Variants in OLFML2B observed in about 807,000 individuals in gnomAD.
OLFML2B encodes the protein olfactomedin like 2B, also known as olfactomedin-like protein 2B.
A neutral mutation model predicts 74.9 loss-of-function variants in OLFML2B; 57 were observed. The observed-to-expected ratio is 0.76, with a 90% CI of 0.61 to 0.95. OLFML2B has a LOEUF of 0.95. OLFML2B is among the 40% of genes least tolerant of loss of function. OLFML2B has a pLI of 0.00. For synonymous variants in OLFML2B, 388 were observed against 405.8 expected (o/e 0.96, Z 0.53); for missense variants, 986 against 970.6 (o/e 1.02, Z -0.21).
chr1:162,000,182 T>A lies in OLFML2B; in HGVS notation c.880A>T (p.Thr294Ser), dbSNP rs752061640. The A allele has an allele frequency of 6.2e-7, 1 of 1,613,458 alleles. No individual in the cohort carries two copies. The highest frequency in any genetic ancestry group is 1.7e-5 in the Admixed American group (1 of 60,002). Residue 294 changes from threonine to serine, a missense_variant, in exon 5 of 8, where the codon ACT (threonine) becomes TCT (serine). Transcript: ENST00000294794. ...TAGTAGGTGATGCCCCGGATGACAGTGGGCTGGGAGGCCGGCCGGCCTCTC... is the reference window on the plus strand; with the variant it reads ...TAGTAGGTGATGCCCCGGATGACAGAGGGCTGGGAGGCCGGCCGGCCTCTC... Reference protein sequence around the residue: ...HLRGRPASQPTVIRGITYYKA... With the variant: ...HLRGRPASQPSVIRGITYYKA...
rs918380000 is a variant in OLFML2B, at chr1:161,998,187, C to A, written c.1112G>T (p.Trp371Leu). 4 of 1,613,944 alleles carry A rather than the reference C, an allele frequency of 2.5e-6. No homozygotes were observed. The highest frequency in any genetic ancestry group is 3.4e-6 in the Non-Finnish European group (4 of 1,180,046). The change falls in exon 6 of 8, where the codon TGG becomes TTG. Residue 371 changes from tryptophan to leucine, a missense_variant. Coordinates refer to ENST00000294794, the MANE Select transcript of OLFML2B (RefSeq NM_015441.3). ...TSDLNARTAPWSSALPQPSTS... is the reference protein window; with the variant it reads ...TSDLNARTAPLSSALPQPSTS... ...CGAGGGCTGTGGCAGTGCTGAGGAC[C>A]AGGGTGCGGTCCGAGCGTTCAGGTC...
chr1:161,997,941 G>A lies in OLFML2B; in HGVS notation c.1358C>T (p.Pro453Leu), dbSNP rs759826217. The A allele has an allele frequency of 3.7e-6, 6 of 1,614,236 alleles. No individual in the cohort carries two copies. The East Asian group carries it at 1.3e-4, about 36-fold the overall frequency. Residue 453 changes from proline to leucine, a missense_variant, in exon 6 of 8, where the codon CCT becomes CTT. Coordinates refer to ENST00000294794, the MANE Select transcript of OLFML2B (RefSeq NM_015441.3). ...LMEAMHTVPV[P>L]PTTVRTDSLG... is the part of the protein sequence containing the mutation. ...CGAGTCTGTTCTGACTGTGGTGGGA[G>A]GCACTGGGACTGTGTGCATAGCTTC...
At position 161,984,193 on chromosome 1, in the gene OLFML2B, G is replaced by A. The variant is rs1689520653; in HGVS notation, c.1735C>T (p.Arg579Cys). The A allele has an allele frequency of 3.8e-6, 6 of 1,592,676 alleles. No homozygotes were observed. Among genetic ancestry groups the A allele is most frequent in the East Asian group, 2.2e-5 (1 of 44,732 alleles). Reference protein sequence around the residue: ...VVYNGAFYYNRAFTRNIIKYD... With the variant: ...VVYNGAFYYNCAFTRNIIKYD... ...TTGATGATGTTGCGGGTGAAGGCGCGATTGTAGTAGAAGGCGCCATTGTAT... is the reference window on the plus strand; with the variant it reads ...TTGATGATGTTGCGGGTGAAGGCGCAATTGTAGTAGAAGGCGCCATTGTAT... The change falls in exon 8 of 8, where the codon CGC (arginine) becomes TGC (cysteine). Residue 579 changes from arginine (R) to cysteine (C), a missense_variant. Physicochemically the swap from Arg to Cys is radical, Grantham distance 180. Transcript: ENST00000294794.
In OLFML2B at chr1:161,987,886, G is replaced by A. The variant is rs557421163; in HGVS notation, c.1475-2906C>T. Among the ~76,000 whole-genome samples, 73 of 152,310 alleles carry A rather than the reference G, an allele frequency of 4.8e-4. 1 individual carries two copies. The highest frequency in any genetic ancestry group is 1.7e-3 in the South Asian group (8 of 4,820). On this transcript the variant is annotated intron_variant, in intron 6 of 7. Coordinates refer to ENST00000294794, the MANE Select transcript of OLFML2B (RefSeq NM_015441.3). ...GCGGATGAGCCCAGGCAGGACAAAT[G>A]CAAATGATTTCAGAGCATTTGAAGA... is the stretch of plus-strand genomic sequence containing the variant.
intron 2 of OLFML2B, 119 bp downstream of exon 2, chr1:162,019,800 T>C (rs907239076): frequency 3.9e-6 from 5 of 1,280,368 alleles, no homozygotes; most frequent in Non-Finnish European, 5.3e-6. Context: ...CACACAGCAC[T>C]CTAGGGAACA....
chr1:162,009,537 G>A (rs1412490091), intron 3 of OLFML2B, among the ~76,000 whole-genome samples: 1 of 152,216 alleles, frequency 6.6e-6, no homozygotes, highest in East Asian at 1.9e-4. Context: ...CCTTTTGGGT[G>A]TCAGTGAGGA....
chr1:161,983,896 C>G lies in OLFML2B; in HGVS notation c.2032G>C (p.Val678Leu), dbSNP rs141909728. 199 of 1,614,188 alleles carry G rather than the reference C, an allele frequency of 1.2e-4. No homozygotes were observed. In the African/African-American group the frequency reaches 2.4e-3, roughly 19 times the overall value. Residue 678 changes from valine to leucine, a missense_variant, in exon 8 of 8, where the codon GTC (valine) becomes CTC (leucine). Coordinates refer to ENST00000294794, the MANE Select transcript of OLFML2B (RefSeq NM_015441.3). ...LRRNFYGNCF[V>L]ICGVLYAVDS... ...ACGGCATACAGCACCCCACAGATGACGAAGCAGTTGCCGTAGAAATTCCTC... is the reference window on the plus strand; with the variant it reads ...ACGGCATACAGCACCCCACAGATGAGGAAGCAGTTGCCGTAGAAATTCCTC...
rs1322515948 is a variant in OLFML2B at position 161,984,825 on chromosome 1, T to C, written c.1630A>G (p.Asn544Asp). Residue 544 changes from asparagine (N) to aspartate (D), a missense_variant, in exon 7 of 8, where the codon AAC (asparagine) becomes GAC (aspartate). By Grantham distance (23) the Asn-to-Asp change is conservative. Coordinates refer to ENST00000294794, the MANE Select transcript of OLFML2B (RefSeq NM_015441.3). ...YYGNTLVEFRNLENFKQGRWS... is the reference protein window; with the variant it reads ...YYGNTLVEFRDLENFKQGRWS... ...GTACCTTGTTTGAAGTTCTCCAGGT[T>C]CCGGAACTCTACCAGGGTGTTGCCG... is the stretch of plus-strand genomic sequence containing the variant. 1.2e-6 allele frequency: 2 copies of C among 1,613,578 alleles called. No homozygotes were observed. The highest frequency in any genetic ancestry group is 2.7e-5 in the African/African-American group (2 of 74,754).
At chr1:161,984,364 G>C in intron 7 of OLFML2B, 88 bp from the exon 8 acceptor site, 1 of 1,486,470 alleles carries the variant, frequency 6.7e-7, no homozygotes, top group Non-Finnish European at 8.9e-7. Context: ...GATCAACGAG[G>C]GGTCTGGAAA....
Position 161,998,083 on chromosome 1 carries a change from T to C in OLFML2B, c.1216A>G (p.Arg406Gly). The change falls in exon 6 of 8, where the codon AGG (arginine) becomes GGG (glycine). Residue 406 changes from arginine to glycine, a missense_variant. Physicochemically the swap from Arg to Gly is moderately radical, Grantham distance 125. Coordinates refer to ENST00000294794, the MANE Select transcript of OLFML2B (RefSeq NM_015441.3). ...GGAGAAGGCTGCAGGACTGACTCCC[T>C]TGTGGGATCTGGAGACACCGAGGTT... Reference protein sequence around the residue: ...QTTSVSPDPTRESVLQPSPQV... With the variant: ...QTTSVSPDPTGESVLQPSPQV... 1 of 1,614,026 alleles carries C rather than the reference T, an allele frequency of 6.2e-7. No homozygotes were observed. The highest frequency in any genetic ancestry group is 1.3e-5 in the African/African-American group (1 of 75,038).
intron 4 of OLFML2B, among the ~76,000 whole-genome samples, chr1:162,001,400 T>C (rs1336942921): frequency 2.0e-5 from 3 of 152,210 alleles, no homozygotes; most frequent in African/African-American, 2.4e-5. Context: ...CTGATTCAGC[T>C]TGGAGGCATC....
Position 162,018,699 on chromosome 1 carries a change from T to C in OLFML2B, c.439-1192A>G, listed in dbSNP as rs111558845. 4.9e-3 allele frequency among the ~76,000 whole-genome samples: 744 copies of C among 152,284 alleles called. 5 individuals are homozygous for C. The highest frequency in any genetic ancestry group is 0.017 in the African/African-American group (705 of 41,566). ...GCAGACTGCAGGGTAAGAGGGAAGATGATGAGGGCCAGTTCTTGGAAGTTT... is the reference window on the plus strand; with the variant it reads ...GCAGACTGCAGGGTAAGAGGGAAGACGATGAGGGCCAGTTCTTGGAAGTTT... On this transcript the variant is annotated intron_variant, in intron 2 of 7. Transcript: ENST00000294794.
At chr1:162,015,726 G>A (rs1192293165) in intron 3 of OLFML2B, among the ~76,000 whole-genome samples, 1 of 152,218 alleles carries the variant, frequency 6.6e-6, no homozygotes, top group Non-Finnish European at 1.5e-5. Context: ...TTAGTAGTGG[G>A]ATGGTGCTGA....
chr1:161,993,678 C>T (rs552001491), intron 6 of OLFML2B, among the ~76,000 whole-genome samples: 6 of 152,220 alleles, frequency 3.9e-5, no homozygotes, highest in African/African-American at 7.2e-5. Context: ...TCTGTGCTGG[C>T]GTACCTGGGC....
Position 161,984,949 on chromosome 1 carries a change from C to G in OLFML2B, c.1506G>C (p.Thr502=), listed in dbSNP as rs754133722. 1 of 1,608,940 alleles carries G rather than the reference C, an allele frequency of 6.2e-7. No individual in the cohort carries two copies. Among genetic ancestry groups the G allele is most frequent in the South Asian group, 1.1e-5 (1 of 90,600 alleles). ...CATATGTGTTCTGGGTGGTCGGCCC[C>G]GTGATTGTGGAGAGAGTGTCCTTGC... ...GRCKDTLSTI[T]GPTTQNTYGR... Residue 502 remains threonine, a synonymous_variant, in exon 7 of 8, where the codon ACG becomes ACC. Coordinates refer to ENST00000294794, the MANE Select transcript of OLFML2B (RefSeq NM_015441.3).
At chr1:161,999,543 G>A (rs1027470653) in intron 5 of OLFML2B, among the ~76,000 whole-genome samples, 1 of 152,124 alleles carries the variant, frequency 6.6e-6, no homozygotes, top group African/African-American at 2.4e-5. Context: ...GGGAAGAGTC[G>A]GGGCCTGCTG....
chr1:161,995,278 C>T (rs1689860920), intron 6 of OLFML2B, among the ~76,000 whole-genome samples: 1 of 152,188 alleles, frequency 6.6e-6, no homozygotes, highest in Admixed American at 6.5e-5. Flanking sequence ...TTGAAGAACA[C>T]ACTACATCTG....
Position 162,017,390 on chromosome 1 carries a change from T to C in OLFML2B, c.546+10A>G, listed in dbSNP as rs1690569686. The C allele has an allele frequency of 1.8e-5, 29 of 1,601,868 alleles. No individual in the cohort carries two copies. Among genetic ancestry groups the C allele is most frequent in the Non-Finnish European group, 2.4e-5 (28 of 1,171,186 alleles). ...CAAGAAAAAGATATAGAAACCAGAA[T>C]CTTCCTTACCTCCTCCAGTTTATCC... is the stretch of plus-strand genomic sequence containing the variant. On this transcript the variant is annotated intron_variant, in intron 3 of 7. Coordinates refer to ENST00000294794, the MANE Select transcript of OLFML2B (RefSeq NM_015441.3).
chr1:161,984,780 C>G (rs958261706), intron 7 of OLFML2B, 24 bp downstream of exon 7: 1 of 1,609,192 alleles, frequency 6.2e-7, no homozygotes, highest in Non-Finnish European at 8.5e-7. Flanking sequence ...AAGGAGCAGT[C>G]TGGGTTGGAT....
Sources: allele counts gnomAD v4.1 joint callset (sites outside exome capture counted in the v4.1 genomes callset), GRCh38; gene constraint gnomAD v4.1.1; transcripts MANE v1.5; gene names NCBI Gene and HGNC (gene_info 2026-07-23, HGNC 2026-07-21).